SLC28A2: variants seen among roughly 807,000 people sequenced by gnomAD.
SLC28A2 encodes solute carrier family 28 member 2, also known as sodium/nucleoside cotransporter 2.
SLC28A2 carries 69 observed loss-of-function variants against 72.9 expected under a neutral mutation model. The observed-to-expected ratio is 0.95, with a 90% confidence interval of 0.78 to 1.16. SLC28A2 has a LOEUF of 1.16. Ranked by LOEUF, SLC28A2 falls within the 50% of genes most tolerant of loss-of-function variation. The pLI is 0.00. For synonymous variants in SLC28A2, 296 were observed against 294.1 expected, an observed-to-expected ratio of 1.01 and a Z score of -0.07; for missense variants, 745 against 791.1, an observed-to-expected ratio of 0.94 and a Z score of 0.70.
chr15:45,274,415 G>A (rs1244430745), intron 17 of SLC28A2, among the ~76,000 whole-genome samples: 3 of 152,112 alleles, frequency 2.0e-5, no homozygotes, highest in African/African-American at 7.2e-5. Flanking sequence ...GGAGGCTGAG[G>A]TGGCAGGATC....
At chr15:45,266,187 T>G (rs1157828452) in intron 10 of SLC28A2, 26 bp downstream of exon 10, 1 of 1,514,558 alleles carries the variant, frequency 6.6e-7, no homozygotes, top group East Asian at 2.3e-5. Context: ...ACTTTTGGTC[T>G]TCTTCCCTCT....
chr15:45,263,500 G>A (rs1900228165), intron 5 of SLC28A2, among the ~76,000 whole-genome samples: 1 of 152,202 alleles, frequency 6.6e-6, no homozygotes, highest in Non-Finnish European at 1.5e-5. Context: ...ATCAGAGCCA[G>A]TGTCAGAAAT....
In SLC28A2 at chr15:45,267,495, T is replaced by C. The variant is rs746665459; in HGVS notation, c.983T>C (p.Met328Thr). Residue 328 changes from methionine to threonine, a missense_variant, in exon 11 of 18, where the codon ATG becomes ACG. By Grantham distance (81) the Met-to-Thr change is moderately conservative. Transcript: ENST00000347644. ...PLLIRPYLGD[M>T]TLSEIHAVMT... is the part of the protein sequence containing the mutation. ...CTCATCCGTCCCTACCTTGGGGACA[T>C]GACACTCTCTGAAATCCATGCGGTG... The C allele has an allele frequency of 6.8e-6, 11 of 1,614,042 alleles. No individual in the cohort carries two copies. The highest frequency in any genetic ancestry group is 1.7e-5 in the Admixed American group (1 of 60,002).
At chr15:45,259,482 A>C (rs567883345) in intron 3 of SLC28A2, among the ~76,000 whole-genome samples, 23 of 152,220 alleles carry the variant, frequency 1.5e-4, no homozygotes, top group Non-Finnish European at 1.5e-5. Flanking sequence ...ATTTTTGTCA[A>C]TTTTAAAAAG....
At chr15:45,261,982 A>G (rs367680386) in intron 3 of SLC28A2, 33 bp from the exon 4 acceptor site, 1 of 1,354,238 alleles carries the variant, frequency 7.4e-7, no homozygotes, top group African/African-American at 1.4e-5. Flanking sequence ...GGATGGAGTA[A>G]TTCTTGTATC....
At position 45,272,673 on chromosome 15, in the gene SLC28A2, G is replaced by C; in HGVS notation, c.1748G>C (p.Gly583Ala). 1.3e-6 allele frequency: 2 copies of C among 1,549,860 alleles called. No individual in the cohort carries two copies. The highest frequency in any genetic ancestry group is 1.8e-6 in the Non-Finnish European group (2 of 1,121,488). ...CVSLISACMAGILYVPRGAEA... is the reference protein window; with the variant it reads ...CVSLISACMAAILYVPRGAEA... ...TAGTACCTCTGTCTCCTTTATCCAGGAATCCTCTATGTCCCCAGGGGAGCT... is the reference window on the plus strand; with the variant it reads ...TAGTACCTCTGTCTCCTTTATCCAGCAATCCTCTATGTCCCCAGGGGAGCT... Residue 583 changes from glycine to alanine, a missense_variant and splice_region_variant, in exon 17 of 18, where the codon GGA becomes GCA. Gly to Ala is a moderately conservative substitution (Grantham distance 60, BLOSUM62 0). Coordinates refer to ENST00000347644, the MANE Select transcript of SLC28A2 (RefSeq NM_004212.4).
At position 45,276,224 on chromosome 15, in the gene SLC28A2, G is replaced by A. The variant is rs539552133; in HGVS notation, c.*711G>A. ...AAATCATCATTCTCAGTAAACTATC[G>A]CAAGGACAAAAAACCAAACACCACA... On this transcript the variant is annotated 3_prime_UTR_variant, in exon 18 of 18. Transcript: ENST00000347644. The A allele has an allele frequency of 3.3e-5, 5 of 151,878 alleles. No individual in the cohort carries two copies. Among genetic ancestry groups the A allele is most frequent in the African/African-American group, 1.2e-4 (5 of 41,318 alleles). 9.4% of individuals were successfully genotyped at this position (151,878 alleles called of 1,614,324 possible).
In SLC28A2 at chr15:45,263,825, G is replaced by T. The variant is rs930503635; in HGVS notation, c.447-56G>T. 1.9e-6 allele frequency: 3 copies of T among 1,547,130 alleles called. No individual in the cohort carries two copies. In the African/African-American group the frequency reaches 4.1e-5, roughly 21 times the overall value. On this transcript the variant is annotated intron_variant, in intron 5 of 17. Transcript: ENST00000347644. ...AGAATAACTTTCAGACTCTCTGTAA[G>T]TTATTTGTTTTTCATTCACTGGGTT...
At position 45,272,760 on chromosome 15, in the gene SLC28A2, T is replaced by G. The variant is rs373539209; in HGVS notation, c.1835T>G (p.Met612Arg). ...ACCAATAGAACCTATGAGACCTACA[T>G]GTGCTGCAGAGGGCTCTTTCAGAGG... ...SFTNRTYETY[M>R]CCRGLFQSTS... The change falls in exon 17 of 18, where the codon ATG (methionine) becomes AGG (arginine). Residue 612 changes from methionine (M) to arginine (R), a missense_variant. Met to Arg is a moderately conservative substitution (Grantham distance 91, BLOSUM62 -1). Transcript: ENST00000347644. 6.2e-7 allele frequency: 1 copy of G among 1,608,796 alleles called. No individual in the cohort carries two copies. Among genetic ancestry groups the G allele is most frequent in the Non-Finnish European group, 8.5e-7 (1 of 1,175,250 alleles).
chr15:45,263,573 T>G (rs2413770), intron 5 of SLC28A2, among the ~76,000 whole-genome samples: 23,179 of 152,216 alleles, frequency 0.15, 5,837 homozygotes, highest in African/African-American at 0.53. Context: ...TACATTAAGC[T>G]ATCAAATTGA....
chr15:45,264,945 C>A, intron 7 of SLC28A2, 144 bp from the exon 8 acceptor site: 1 of 752,172 alleles, frequency 1.3e-6, no homozygotes, highest in Non-Finnish European at 2.3e-6. Flanking sequence ...CTCATGGGGA[C>A]ATAGCCTGCC....
At chr15:45,272,033 T>C (rs529010719) in intron 15 of SLC28A2, 2 of 400,732 alleles carry the variant, frequency 5.0e-6, no homozygotes, top group South Asian at 4.1e-5. Context: ...AGATACATCT[T>C]GGGTATGTTC....
At position 45,276,269 on chromosome 15, in the gene SLC28A2, G is replaced by GA. The variant is rs965276895; in HGVS notation, c.*758dup. 4 of 151,940 alleles carry GA rather than the reference G, an allele frequency of 2.6e-5. No individual in the cohort carries two copies. The highest frequency in any genetic ancestry group is 9.7e-5 in the African/African-American group (4 of 41,352). The allele number at this position is 151,940 out of a possible 1,614,324, so 9.4% of individuals were successfully genotyped here. A position where few individuals can be genotyped will look rare whatever the true frequency, so the allele number is the denominator to read the frequency against. On this transcript the variant is annotated 3_prime_UTR_variant, in exon 18 of 18. Coordinates refer to ENST00000347644, the MANE Select transcript of SLC28A2 (RefSeq NM_004212.4). ...ACCACATGTTCTCACTCATAGATGGGAATTGAACAATGAGAACACATGGAC... is the reference window on the plus strand; with the variant it reads ...ACCACATGTTCTCACTCATAGATGGGAAATTGAACAATGAGAACACATGGAC...
Position 45,262,085 on chromosome 15 carries a change from C to G in SLC28A2, c.241C>G (p.Leu81Val). 4 of 1,610,646 alleles carry G rather than the reference C, an allele frequency of 2.5e-6. No individual in the cohort carries two copies. The highest frequency in any genetic ancestry group is 3.4e-6 in the Non-Finnish European group (4 of 1,177,038). ...KTHASLFKKI[L>V]LGLLCLAYAA... is the part of the protein sequence containing the mutation. ...ACACGCCAGCTTGTTCAAGAAGATC[C>G]TGTTGGGCCTGTTGTGTTTGGGTGA... The change falls in exon 4 of 18, where the codon CTG becomes GTG. Residue 81 changes from leucine to valine, a missense_variant. Coordinates refer to ENST00000347644, the MANE Select transcript of SLC28A2 (RefSeq NM_004212.4).
At chr15:45,271,152 T>G (rs1900547531) in intron 15 of SLC28A2, among the ~76,000 whole-genome samples, 1 of 152,220 alleles carries the variant, frequency 6.6e-6, no homozygotes. Flanking sequence ...TTTAGACTGT[T>G]GGAGATACTG....
intron 4 of SLC28A2, among the ~76,000 whole-genome samples, chr15:45,262,601 A>G (rs1900196428): frequency 6.6e-6 from 1 of 152,168 alleles, no homozygotes; most frequent in Admixed American, 6.5e-5. Context: ...TGGGATGAGT[A>G]AGAGAGCCAT....
In SLC28A2 at chr15:45,265,813, C is replaced by T. The variant is rs945182620; in HGVS notation, c.861+150C>T. On this transcript the variant is annotated intron_variant, in intron 9 of 17. Coordinates refer to ENST00000347644, the MANE Select transcript of SLC28A2 (RefSeq NM_004212.4). ...GCATGCCTGATAGCAAACTGTCAGC[C>T]GAGGCCCTAGGTAGGCTGAGGGCAG... 13 of 685,796 alleles carry T rather than the reference C, an allele frequency of 1.9e-5. No individual in the cohort carries two copies. The Admixed American group carries it at 1.9e-4, about 10-fold the overall frequency. The allele number at this position is 685,796 out of a possible 1,614,324, so 42.5% of individuals were successfully genotyped here. A position where few individuals can be genotyped will look rare whatever the true frequency, so the allele number is the denominator to read the frequency against.
intron 15 of SLC28A2, chr15:45,272,089 G>A: frequency 1.9e-6 from 1 of 535,008 alleles, no homozygotes; most frequent in Non-Finnish European, 3.3e-6. Context: ...CTTGATCTGA[G>A]GAAAGTCTAA....
intron 5 of SLC28A2, 78 bp from the exon 6 acceptor site, chr15:45,263,803 A>G: frequency 7.0e-7 from 1 of 1,437,234 alleles, no homozygotes; most frequent in South Asian, 1.4e-5. Flanking sequence ...GAGTGAGAGA[A>G]TAACTTTCAG....
Sources: gnomAD v4.1 joint callset for allele counts (sites outside exome capture counted in the v4.1 genomes callset) on GRCh38, gnomAD v4.1.1 for gene constraint, MANE v1.5 for transcripts, NCBI Gene and HGNC (gene_info 2026-07-23, HGNC 2026-07-21) for gene names.